NLRP5: variants seen among roughly 807,000 people sequenced by gnomAD.
NLRP5 encodes the protein NACHT, LRR and PYD domains-containing protein 5.
NLRP5 carries 93 observed loss-of-function variants against 113.1 expected under a neutral mutation model. The observed-to-expected ratio is 0.82, with a 90% CI of 0.70 to 0.98. NLRP5 has a LOEUF of 0.98. Among genes scored for constraint, NLRP5 ranks in the 50% least tolerant of loss-of-function variants. The probability of loss-of-function intolerance (pLI) is 0.00; values close to 1 mark genes in which losing one functional copy is unlikely to be tolerated. For synonymous variants in NLRP5, 751 were observed against 600.7 expected (o/e 1.25, Z -3.66); for missense variants, 1,808 against 1,514.3 (o/e 1.19, Z -3.22).
intron 9 of NLRP5, among the ~76,000 whole-genome samples, chr19:56,037,061 C>G (rs894674877): frequency 6.6e-6 from 1 of 152,180 alleles, no homozygotes; most frequent in Non-Finnish European, 1.5e-5. Context: ...TCACAACCAT[C>G]GCTGAGGTTG....
intron 4 of NLRP5, 55 bp downstream of exon 4, chr19:56,015,853 A>T (rs1599884215): frequency 1.4e-6 from 2 of 1,400,054 alleles, no homozygotes; most frequent in East Asian, 5.1e-5. Context: ...GTTGGGTGAG[A>T]GAAGTTCATG....
intron 13 of NLRP5, among the ~76,000 whole-genome samples, chr19:56,055,537 C>CTTTT (rs1160965587): frequency 1.7e-4 from 13 of 76,458 alleles, no homozygotes; most frequent in South Asian, 5.3e-4. Context: ...CTTTCTCTGT[C>CTTTT]TTTTTTTTTT....
At chr19:56,022,317 T>C (rs1982645913) in intron 6 of NLRP5, among the ~76,000 whole-genome samples, 2 of 152,168 alleles carry the variant, frequency 1.3e-5, no homozygotes, top group South Asian at 2.1e-4. Flanking sequence ...ACTCCTGGGC[T>C]GAAGCAATCC....
chr19:56,002,682 T>G (rs991658874), intron 1 of NLRP5, among the ~76,000 whole-genome samples: 4 of 148,332 alleles, frequency 2.7e-5, no homozygotes, highest in Non-Finnish European at 5.9e-5. Flanking sequence ...GTACTCATTG[T>G]TCAATTCCCA....
At chr19:56,041,777 A>G (rs1983531856) in intron 11 of NLRP5, among the ~76,000 whole-genome samples, 1 of 152,080 alleles carries the variant, frequency 6.6e-6, no homozygotes, top group Non-Finnish European at 1.5e-5. Flanking sequence ...GTGAAATCCC[A>G]TCTCTACTAA....
chr19:56,040,166 C>T lies in NLRP5; in HGVS notation c.2787-756C>T, dbSNP rs183098078. 2.8e-3 allele frequency among the ~76,000 whole-genome samples: 429 copies of T among 152,266 alleles called. 1 individual carries two copies. Among genetic ancestry groups the T allele is most frequent in the African/African-American group, 9.4e-3 (392 of 41,564 alleles). On this transcript the variant is annotated intron_variant, in intron 10 of 14. Coordinates refer to ENST00000390649, the MANE Select transcript of NLRP5 (RefSeq NM_153447.4). Reference sequence around the variant, plus strand: ...CTTGCTATGTTGCCCAGGCTGGTCTCGAACTCCTGGGCTCAAACAGTCCTC... The same window carrying T: ...CTTGCTATGTTGCCCAGGCTGGTCTTGAACTCCTGGGCTCAAACAGTCCTC...
In NLRP5 at chr19:56,032,735, C is replaced by T. The variant is rs1280730149; in HGVS notation, c.2401C>T (p.Leu801=). ...CCTGACAGAGCGGGCCATGAAGACC[C>T]TGTGTGCCAAGCTGAGGCATCCCAC... The change falls in exon 8 of 15, where the codon CTG becomes TTG. Residue 801 remains leucine (L), a synonymous_variant. Transcript: ENST00000390649. 1 of 1,612,786 alleles carries T rather than the reference C, an allele frequency of 6.2e-7. No homozygotes were observed. Among genetic ancestry groups the T allele is most frequent in the Non-Finnish European group, 8.5e-7 (1 of 1,179,694 alleles).
Position 56,027,518 on chromosome 19 carries a change from G to T in NLRP5, c.1285G>T (p.Val429Phe). 2 of 1,613,996 alleles carry T rather than the reference G, an allele frequency of 1.2e-6. No individual in the cohort carries two copies. The highest frequency in any genetic ancestry group is 2.2e-5 in the East Asian group (1 of 44,886). Residue 429 changes from valine (V) to phenylalanine (F), a missense_variant, in exon 7 of 15, where the codon GTT (valine) becomes TTT (phenylalanine). Coordinates refer to ENST00000390649, the MANE Select transcript of NLRP5 (RefSeq NM_153447.4). ...GGTCGTGTCTCCCCGTTACCTGTTA[G>T]TTAGAGGAATCTCCGGGGAACAAAG...
At chr19:56,013,756 A>C (rs554625873) in intron 3 of NLRP5, among the ~76,000 whole-genome samples, 59 of 152,108 alleles carry the variant, frequency 3.9e-4, no homozygotes, top group East Asian at 5.8e-4. Context: ...GAGCTCTGCC[A>C]AATGGTTTTT....
chr19:56,059,133 C>A (rs180941015), intron 14 of NLRP5, among the ~76,000 whole-genome samples: 4 of 152,136 alleles, frequency 2.6e-5, no homozygotes, highest in Non-Finnish European at 1.5e-5. Flanking sequence ...TGTGGTGATG[C>A]TTGCACAGCC....
chr19:56,017,152 C>T (rs1224130455), intron 4 of NLRP5, among the ~76,000 whole-genome samples: 1 of 152,176 alleles, frequency 6.6e-6, no homozygotes, highest in Non-Finnish European at 1.5e-5. Context: ...GACCCTCTTT[C>T]ATTCCCGACT....
chr19:56,002,019 C>T (rs13344779), intron 1 of NLRP5, among the ~76,000 whole-genome samples: 2,884 of 152,224 alleles, frequency 0.019, 64 homozygotes, highest in East Asian at 0.065. Flanking sequence ...TTCCTGGGGC[C>T]TTATAACAAC....
intron 2 of NLRP5, among the ~76,000 whole-genome samples, chr19:56,007,981 T>A (rs546644675): frequency 1.6e-5 from 2 of 121,642 alleles, no homozygotes; most frequent in Admixed American, 1.7e-4. Flanking sequence ...TGTCGCCCAG[T>A]GCAGTGGCGC....
intron 2 of NLRP5, among the ~76,000 whole-genome samples, chr19:56,005,109 T>A (rs12460488): frequency 0.15 from 4,101 of 27,648 alleles, 292 homozygotes; most frequent in African/African-American, 0.27. Context: ...AAAAAAAAAA[T>A]ATATATATAT....
At chr19:56,007,326 T>A (rs966662571) in intron 2 of NLRP5, among the ~76,000 whole-genome samples, 3 of 149,006 alleles carry the variant, frequency 2.0e-5, no homozygotes, top group African/African-American at 7.6e-5. Context: ...ATTGTGCCGT[T>A]GCACTCCAGC....
In NLRP5 at chr19:56,027,688, C is replaced by A; in HGVS notation, c.1455C>A (p.Asp485Glu). The stretch of plus-strand genomic sequence containing the variant: ...TCTGCGTGGCCCTGCAGCTGCAGGA[C>A]GTGGTGGGGGAGAGCGTCGCCCCCT... Residue 485 changes from aspartate to glutamate, a missense_variant, in exon 7 of 15, where the codon GAC (aspartate) becomes GAA (glutamate). Transcript: ENST00000390649. 1 of 1,613,462 alleles carries A rather than the reference C, an allele frequency of 6.2e-7. No homozygotes were observed.
In NLRP5 at chr19:56,015,770, T is replaced by G; in HGVS notation, c.537T>G (p.Ser179Arg). The G allele has an allele frequency of 1.3e-6, 2 of 1,572,436 alleles. No homozygotes were observed. The highest frequency in any genetic ancestry group is 1.7e-6 in the Non-Finnish European group (2 of 1,157,306). Residue 179 changes from serine to arginine, a missense_variant, in exon 4 of 15, where the codon AGT (serine) becomes AGG (arginine). Ser to Arg is a moderately radical substitution (Grantham distance 110, BLOSUM62 -1). Coordinates refer to ENST00000390649, the MANE Select transcript of NLRP5 (RefSeq NM_153447.4). ...TTTCACAAGCTGTGCAACAAGATAG[T>G]GCCACAGCTGCAGAGACAAAAGAAC...
intron 11 of NLRP5, among the ~76,000 whole-genome samples, chr19:56,047,787 G>A (rs1162961914): frequency 6.6e-6 from 1 of 152,126 alleles, no homozygotes; most frequent in Non-Finnish European, 1.5e-5. Flanking sequence ...TTGACTTTCT[G>A]TCTTCATGAC....
intron 7 of NLRP5, among the ~76,000 whole-genome samples, chr19:56,030,994 G>A (rs912885458): frequency 2.6e-5 from 4 of 151,818 alleles, no homozygotes; most frequent in Non-Finnish European, 5.9e-5. Flanking sequence ...TGACAGGCGT[G>A]AGCGACTGCG....
Sources: allele counts gnomAD v4.1 joint callset (sites outside exome capture counted in the v4.1 genomes callset), GRCh38; gene constraint gnomAD v4.1.1; transcripts MANE v1.5; gene names NCBI Gene and HGNC (gene_info 2026-07-23, HGNC 2026-07-21).